Variants in PRKN observed in about 807,000 individuals in gnomAD.
PRKN encodes the protein E3 ubiquitin-protein ligase parkin.
A neutral mutation model predicts 59.5 loss-of-function variants in PRKN; 56 were observed. The ratio of observed to expected loss-of-function variants is 0.94; its 90% CI spans 0.76 to 1.18. The LOEUF (loss-of-function observed/expected upper bound fraction) is 1.18, where lower values mean the gene tolerates loss of function less well. Ranked by LOEUF, PRKN falls within the 50% of genes most tolerant of loss-of-function variation. The pLI is 0.00. For synonymous variants in PRKN, 250 were observed against 222.1 expected (o/e 1.13, Z -1.12); for missense variants, 657 against 596.4 (o/e 1.10, Z -1.06).
At chr6:161,587,292 T>A (rs189347321) in intron 7 of PRKN, among the ~76,000 whole-genome samples, 26 of 152,326 alleles carry the variant, frequency 1.7e-4, no homozygotes, top group Middle Eastern at 3.4e-3. Flanking sequence ...TTATTGATGT[T>A]TAGCAGCTTG....
chr6:161,711,142 T>C (rs1786735106), intron 7 of PRKN, among the ~76,000 whole-genome samples: 1 of 152,152 alleles, frequency 6.6e-6, no homozygotes, highest in Non-Finnish European at 1.5e-5. Context: ...CATCTGATCA[T>C]TTTCATTATG....
At chr6:162,222,977 T>C (rs1048360134) in intron 3 of PRKN, among the ~76,000 whole-genome samples, 2 of 151,574 alleles carry the variant, frequency 1.3e-5, no homozygotes, top group Admixed American at 6.6e-5. Context: ...CATTTAGCAT[T>C]AGGTATTTCT....
At chr6:162,281,270 G>T (rs1780894058) in intron 2 of PRKN, among the ~76,000 whole-genome samples, 1 of 151,896 alleles carries the variant, frequency 6.6e-6, no homozygotes, top group Non-Finnish European at 1.5e-5. Context: ...CTGTCAGGGG[G>T]TGGGGGGCTA....
chr6:162,140,773 T>C (rs1308243683), intron 4 of PRKN, among the ~76,000 whole-genome samples: 1 of 152,158 alleles, frequency 6.6e-6, no homozygotes, highest in Non-Finnish European at 1.5e-5. Context: ...AGGCCATGTT[T>C]TTTGAAACAA....
intron 7 of PRKN, among the ~76,000 whole-genome samples, chr6:161,619,981 C>CTTTTTTTTTTTTTT (rs71004058): frequency 3.2e-5 from 2 of 63,122 alleles, no homozygotes; most frequent in Admixed American, 2.5e-4. Flanking sequence ...ACACATTATT[C>CTTTTTTTTTTTTTT]TTTTTTTTTT....
chr6:162,402,457 C>G (rs1661019250), intron 2 of PRKN, among the ~76,000 whole-genome samples: 1 of 151,860 alleles, frequency 6.6e-6, no homozygotes, highest in South Asian at 2.1e-4. Context: ...CACGGTAAAA[C>G]AAATGCAGAA....
At chr6:161,669,820 C>T (rs1784846489) in intron 7 of PRKN, among the ~76,000 whole-genome samples, 1 of 152,206 alleles carries the variant, frequency 6.6e-6, no homozygotes, top group African/African-American at 2.4e-5. Flanking sequence ...GCAGTGATGT[C>T]ATTAGTCCCG....
intron 10 of PRKN, among the ~76,000 whole-genome samples, chr6:161,380,136 T>G (rs553471725): frequency 6.6e-6 from 1 of 152,206 alleles, no homozygotes; most frequent in South Asian, 2.1e-4. Flanking sequence ...TCATTCATGC[T>G]CATCTCCAGA....
At chr6:161,567,979 C>T (rs895598655) in intron 8 of PRKN, among the ~76,000 whole-genome samples, 2 of 152,140 alleles carry the variant, frequency 1.3e-5, no homozygotes, top group African/African-American at 2.4e-5. Flanking sequence ...CTTTTACCTG[C>T]AATACGGGAT....
Position 161,545,479 on chromosome 6 carries a change from CT to C in PRKN, c.1083+3374del. 1 of 1,407,850 alleles carries C rather than the reference CT, an allele frequency of 7.1e-7. No individual in the cohort carries two copies. Among genetic ancestry groups the C allele is most frequent in the South Asian group, 1.2e-5 (1 of 86,350 alleles). 87.2% of individuals were successfully genotyped at this position (1,407,850 alleles called of 1,614,324 possible). ...TAAAAAGAGATTCACCTTCTTCTAA[CT>C]TTTATGTATTTGGCCATGTTCTACT... On this transcript the variant is annotated intron_variant, in intron 9 of 11. Transcript: ENST00000366898. This position sits in a 1 kb window ranked among gnomAD's most constrained non-coding sequence, Gnocchi z 4.1.
intron 4 of PRKN, among the ~76,000 whole-genome samples, chr6:162,127,797 A>G (rs887900928): frequency 1.3e-5 from 2 of 152,222 alleles, no homozygotes; most frequent in East Asian, 1.9e-4. Flanking sequence ...TATGAATCCC[A>G]TAATCCTTGA....
chr6:161,901,761 G>C (rs866027499), intron 6 of PRKN, among the ~76,000 whole-genome samples: 9 of 152,280 alleles, frequency 5.9e-5, no homozygotes, highest in Middle Eastern at 3.4e-3. Context: ...CTGCAGGAAA[G>C]ACTCAGTGAT....
chr6:162,126,392 C>T (rs1253856054), intron 4 of PRKN, among the ~76,000 whole-genome samples: 2 of 152,140 alleles, frequency 1.3e-5, no homozygotes, highest in Non-Finnish European at 2.9e-5. Context: ...ATCCTTTAAC[C>T]GTGGCTGCCT....
rs1466655252 is a variant in PRKN at position 161,369,608 on chromosome 6, T to G, written c.1168-9403A>C. On this transcript the variant is annotated intron_variant, in intron 10 of 11. Coordinates refer to ENST00000366898, the MANE Select transcript of PRKN (RefSeq NM_004562.3). This position sits in a 1 kb window ranked among gnomAD's most constrained non-coding sequence, Gnocchi z 5.8. The stretch of plus-strand genomic sequence containing the variant: ...TAACTGTTAGGTAATTGCATAGAAT[T>G]CTGTGCCTGTCTACTGCTCACCCGT... 2.0e-5 allele frequency among the ~76,000 whole-genome samples: 3 copies of G among 152,160 alleles called. No individual in the cohort carries two copies. Among genetic ancestry groups the G allele is most frequent in the African/African-American group, 7.2e-5 (3 of 41,438 alleles).
At position 161,994,716 on chromosome 6, in the gene PRKN, T is replaced by C. The variant is rs139185620; in HGVS notation, c.619-21299A>G. Among the ~76,000 whole-genome samples, 42 of 151,634 alleles carry C rather than the reference T, an allele frequency of 2.8e-4. No homozygotes were observed. In the East Asian group the frequency reaches 7.6e-3, roughly 27 times the overall value. On this transcript the variant is annotated intron_variant, in intron 5 of 11. Coordinates refer to ENST00000366898, the MANE Select transcript of PRKN (RefSeq NM_004562.3). ...ATAAAGAAAGCAATCCCATTTACAA[T>C]AGCTACCAAAAAATCTACTTAGGAA...
intron 2 of PRKN, among the ~76,000 whole-genome samples, chr6:162,422,682 C>T (rs1479568395): frequency 2.6e-5 from 4 of 152,102 alleles, no homozygotes; most frequent in Non-Finnish European, 4.4e-5. Context: ...CAGTGGCTCA[C>T]GCCTGTAATA....
At chr6:162,130,515 C>T (rs1781309204) in intron 4 of PRKN, among the ~76,000 whole-genome samples, 1 of 152,090 alleles carries the variant, frequency 6.6e-6, no homozygotes, top group Non-Finnish European at 1.5e-5. Flanking sequence ...GGCCAGGGTC[C>T]ATTTTGATTG....
At chr6:162,281,748 T>A (rs190192947) in intron 2 of PRKN, among the ~76,000 whole-genome samples, 1 of 152,206 alleles carries the variant, frequency 6.6e-6, no homozygotes, top group African/African-American at 2.4e-5. Context: ...CTAAAGTGAA[T>A]AAGCATAATA....
In PRKN at chr6:161,456,944, A is replaced by G. The variant is rs1266772309; in HGVS notation, c.1084-70067T>C. ...AGTGGTACTTGGACTTTGAAGCCAA[A>G]CACTTGCCCTCTCAGAGCCTTTGCC... On this transcript the variant is annotated intron_variant, in intron 9 of 11. Coordinates refer to ENST00000366898, the MANE Select transcript of PRKN (RefSeq NM_004562.3). This position sits in a 1 kb window ranked among gnomAD's most constrained non-coding sequence, Gnocchi z 4.8. Among the ~76,000 whole-genome samples, 1 of 152,168 alleles carries G rather than the reference A, an allele frequency of 6.6e-6. No homozygotes were observed. The highest frequency in any genetic ancestry group is 1.5e-5 in the Non-Finnish European group (1 of 68,024).
Sources: allele counts gnomAD v4.1 joint callset (sites outside exome capture counted in the v4.1 genomes callset), GRCh38; gene constraint gnomAD v4.1.1; non-coding constraint Gnocchi (gnomAD v3.1); transcripts MANE v1.5; gene names NCBI Gene and HGNC (gene_info 2026-07-23, HGNC 2026-07-21).